SLC38A6: variants seen among roughly 807,000 people sequenced by gnomAD.
SLC38A6 encodes the protein N system amino acid transporter NAT-1.
Under a neutral mutation model 65.0 loss-of-function variants are expected in SLC38A6, and 73 were observed. The observed-to-expected ratio is 1.12, with a 90% CI of 0.93 to 1.37. The LOEUF (loss-of-function observed/expected upper bound fraction) is 1.37, where lower values mean the gene tolerates loss of function less well. Among genes scored for constraint, SLC38A6 ranks in the 40% most tolerant of loss-of-function variants. The probability of loss-of-function intolerance (pLI) is 0.00; values close to 1 mark genes in which losing one functional copy is unlikely to be tolerated. For missense variants in SLC38A6, 561 were observed against 531.1 expected, an observed-to-expected ratio of 1.06 and a Z score of -0.55; for synonymous variants, 183 against 178.8, an observed-to-expected ratio of 1.02 and a Z score of -0.19.
intron 4 of SLC38A6, among the ~76,000 whole-genome samples, chr14:61,017,904 G>T (rs1392064550): frequency 6.6e-6 from 1 of 152,114 alleles, no homozygotes; most frequent in Non-Finnish European, 1.5e-5. Context: ...CTATCCAGAT[G>T]TTATATAGTT....
At chr14:61,074,697 CCCTCCCTCCCTCCCTT>C (rs757997503) in intron 15 of SLC38A6, among the ~76,000 whole-genome samples, 110 of 142,116 alleles carry the variant, frequency 7.7e-4, no homozygotes, top group Non-Finnish European at 1.4e-3. Flanking sequence ...CTCCCTCCCT[CCCTCCCTCCCTCCCTT>C]CCTTCCTTCC....
At chr14:61,028,186 C>G (rs542370746) in intron 5 of SLC38A6, among the ~76,000 whole-genome samples, 1 of 151,980 alleles carries the variant, frequency 6.6e-6, no homozygotes, top group South Asian at 2.1e-4. Context: ...TTCACTGAAG[C>G]TTTCTACAGC....
chr14:61,046,097 C>T lies in SLC38A6; in HGVS notation c.855C>T (p.Thr285=). ...CAAAGAAAAGAATGCAGAATGTTAC[C>T]AATACAGCAATTGCTTTAAGTTTTC... ...SPSKKRMQNV[T]NTAIALSFLI... Residue 285 remains threonine, a synonymous_variant, in exon 12 of 16, where the codon ACC becomes ACT. Coordinates refer to ENST00000267488, the MANE Select transcript of SLC38A6 (RefSeq NM_153811.3). 1 of 1,610,044 alleles carries T rather than the reference C, an allele frequency of 6.2e-7. No individual in the cohort carries two copies. Among genetic ancestry groups the T allele is most frequent in the Non-Finnish European group, 8.5e-7 (1 of 1,177,364 alleles).
At chr14:61,012,159 G>A (rs1473191022) in intron 3 of SLC38A6, among the ~76,000 whole-genome samples, 3 of 152,194 alleles carry the variant, frequency 2.0e-5, no homozygotes, top group African/African-American at 7.2e-5. Context: ...AGATTTTCTA[G>A]TTTATTTGCA....
chr14:61,057,855 G>A (rs1417557847), intron 15 of SLC38A6, among the ~76,000 whole-genome samples: 9 of 128,156 alleles, frequency 7.0e-5, no homozygotes, highest in Non-Finnish European at 9.9e-5. Context: ...TTGGGAGAGT[G>A]TATGTGTCGA....
intron 1 of SLC38A6, chr14:60,981,665 C>T (rs1239677586): frequency 7.1e-7 from 1 of 1,416,346 alleles, no homozygotes; most frequent in Non-Finnish European, 9.3e-7. Flanking sequence ...GATGAGCGGC[C>T]CTAGGATTAT....
chr14:61,011,947 C>T (rs920125299), intron 3 of SLC38A6, among the ~76,000 whole-genome samples: 1 of 152,172 alleles, frequency 6.6e-6, no homozygotes, highest in African/African-American at 2.4e-5. Context: ...GGAATAGTTT[C>T]AGAAGGAATG....
At chr14:61,026,240 A>C (rs944619589) in intron 5 of SLC38A6, among the ~76,000 whole-genome samples, 2 of 152,154 alleles carry the variant, frequency 1.3e-5, no homozygotes, top group Non-Finnish European at 2.9e-5. Context: ...AGTATTTGGA[A>C]GCACAGAGAC....
chr14:61,012,516 C>T (rs2039657889), intron 3 of SLC38A6, among the ~76,000 whole-genome samples: 1 of 152,108 alleles, frequency 6.6e-6, no homozygotes, highest in Non-Finnish European at 1.5e-5. Flanking sequence ...CTCTTGTGGG[C>T]ATTTTGTCCT....
chr14:61,004,173 T>C (rs1476792844), intron 3 of SLC38A6, among the ~76,000 whole-genome samples: 1 of 152,174 alleles, frequency 6.6e-6, no homozygotes, highest in Admixed American at 6.5e-5. Context: ...AAAGACCAAT[T>C]CTTTTTGGAA....
chr14:61,026,254 T>C (rs1482484764), intron 5 of SLC38A6, among the ~76,000 whole-genome samples: 1 of 152,112 alleles, frequency 6.6e-6, no homozygotes, highest in East Asian at 1.9e-4. Flanking sequence ...CAGAGACTGA[T>C]TTTTATTTTT....
chr14:61,017,387 T>G (rs2040082453), intron 4 of SLC38A6, among the ~76,000 whole-genome samples: 1 of 152,130 alleles, frequency 6.6e-6, no homozygotes, highest in Non-Finnish European at 1.5e-5. Context: ...TCATATACTA[T>G]ATAGCATCAT....
intron 13 of SLC38A6, 79 bp downstream of exon 13, chr14:61,050,715 T>C (rs1390620177): frequency 1.6e-6 from 2 of 1,259,208 alleles, no homozygotes; most frequent in Non-Finnish European, 2.1e-6. Context: ...CAGAATAGAA[T>C]GTTTGAATCA....
At chr14:61,011,057 A>G (rs1339782273) in intron 3 of SLC38A6, among the ~76,000 whole-genome samples, 13 of 151,948 alleles carry the variant, frequency 8.6e-5, no homozygotes, top group Non-Finnish European at 1.5e-4. Flanking sequence ...CTTTTATTTC[A>G]TTGAGCAGTG....
Position 61,051,851 on chromosome 14 carries a change from T to C in SLC38A6, c.1115T>C (p.Leu372Ser). ...NFPFSWIRHF[L>S]ITLALNIIIV... ...CCATTCTCATGGATTCGCCATTTTT[T>C]GATCACTCTAGCACTCAATATTATC... The change falls in exon 14 of 16, where the codon TTG becomes TCG. Residue 372 changes from leucine (L) to serine (S), a missense_variant. By Grantham distance (145) the Leu-to-Ser change is moderately radical. Transcript: ENST00000267488. 1 of 1,612,824 alleles carries C rather than the reference T, an allele frequency of 6.2e-7. No individual in the cohort carries two copies. Among genetic ancestry groups the C allele is most frequent in the Middle Eastern group, 1.7e-4 (1 of 6,050 alleles).
intron 8 of SLC38A6, among the ~76,000 whole-genome samples, chr14:61,040,710 A>C (rs183807973): frequency 2.2e-4 from 33 of 152,026 alleles, no homozygotes; most frequent in African/African-American, 8.0e-4. Context: ...TTGAACTCCT[A>C]TGTTCAAGTG....
intron 4 of SLC38A6, among the ~76,000 whole-genome samples, chr14:61,017,949 T>C (rs2040117475): frequency 6.6e-6 from 1 of 152,218 alleles, no homozygotes. Context: ...AAGAAATTTT[T>C]TGAAATGTTT....
At chr14:61,016,809 A>G (rs2040041413) in intron 4 of SLC38A6, among the ~76,000 whole-genome samples, 1 of 152,172 alleles carries the variant, frequency 6.6e-6, no homozygotes, top group Non-Finnish European at 1.5e-5. Context: ...TATATTTATT[A>G]TGGACAACAT....
intron 3 of SLC38A6, among the ~76,000 whole-genome samples, chr14:60,993,875 A>G (rs543611717): frequency 6.6e-6 from 1 of 152,344 alleles, no homozygotes; most frequent in South Asian, 2.1e-4. Flanking sequence ...CACACAAGCC[A>G]ATAATGAGAT....
Sources: allele counts gnomAD v4.1 joint callset (sites outside exome capture counted in the v4.1 genomes callset), GRCh38; gene constraint gnomAD v4.1.1; transcripts MANE v1.5; gene names NCBI Gene and HGNC (gene_info 2026-07-23, HGNC 2026-07-21).